PARD3: variants seen among roughly 807,000 people sequenced by gnomAD.
PARD3 encodes the protein par-3 family cell polarity regulator, also known as partitioning defective 3 homolog.
A neutral mutation model predicts 155.4 loss-of-function variants in PARD3; 75 were observed. The ratio of observed to expected loss-of-function variants is 0.48; its 90% confidence interval spans 0.40 to 0.58. PARD3 has a LOEUF of 0.58. Ranked by LOEUF, PARD3 falls within the 20% of genes least tolerant of loss-of-function variation. PARD3 has a pLI of 0.00. For synonymous variants in PARD3, 576 were observed against 610.5 expected (o/e 0.94, Z 0.83); for missense variants, 1,642 against 1,721.7 (o/e 0.95, Z 0.82).
intron 2 of PARD3, among the ~76,000 whole-genome samples, chr10:34,579,275 A>AT (rs1265517591): frequency 6.6e-6 from 1 of 151,688 alleles, no homozygotes; most frequent in Non-Finnish European, 1.5e-5. Context: ...TCTCAAAAAA[A>AT]AAAAAAAGAA....
At chr10:34,562,298 G>T (rs1298699374) in intron 2 of PARD3, among the ~76,000 whole-genome samples, 1 of 151,832 alleles carries the variant, frequency 6.6e-6, no homozygotes, top group African/African-American at 2.4e-5. Flanking sequence ...TCAGCTGGGC[G>T]TGGTGGCATG....
At chr10:34,488,134 C>T (rs1419966277) in intron 3 of PARD3, among the ~76,000 whole-genome samples, 1 of 152,110 alleles carries the variant, frequency 6.6e-6, no homozygotes, top group Non-Finnish European at 1.5e-5. Flanking sequence ...TTTGAAGCTC[C>T]TGCACTTTAC....
intron 22 of PARD3, among the ~76,000 whole-genome samples, chr10:34,232,889 C>T (rs1027379704): frequency 5.3e-5 from 8 of 151,828 alleles, no homozygotes; most frequent in East Asian, 1.9e-4. Flanking sequence ...TTTGTAGTGA[C>T]GAGATCTCGC....
chr10:34,406,966 C>T (rs1047013860), intron 5 of PARD3, among the ~76,000 whole-genome samples: 6 of 152,076 alleles, frequency 3.9e-5, no homozygotes, highest in African/African-American at 7.2e-5. Flanking sequence ...AGGATGGGAA[C>T]AAGAAACCAG....
At chr10:34,452,706 G>A (rs1051524084) in intron 4 of PARD3, among the ~76,000 whole-genome samples, 3 of 151,948 alleles carry the variant, frequency 2.0e-5, no homozygotes, top group African/African-American at 4.8e-5. Flanking sequence ...ATTTCACCAC[G>A]TCCTACCCTG....
intron 22 of PARD3, among the ~76,000 whole-genome samples, chr10:34,217,482 G>A (rs1035977525): frequency 6.6e-6 from 1 of 152,128 alleles, no homozygotes; most frequent in Non-Finnish European, 1.5e-5. Context: ...TCCTTAAAAT[G>A]CCCGTTACAG....
At chr10:34,325,926 G>A (rs540715680) in intron 19 of PARD3, among the ~76,000 whole-genome samples, 19 of 152,150 alleles carry the variant, frequency 1.2e-4, no homozygotes, top group African/African-American at 3.6e-4. Flanking sequence ...TTCAAGACCA[G>A]CCTGGCCAAC....
chr10:34,382,495 G>A, intron 9 of PARD3, 45 bp downstream of exon 9: 5 of 1,579,066 alleles, frequency 3.2e-6, no homozygotes, highest in Non-Finnish European at 4.3e-6. Context: ...GTGTGTTGCT[G>A]CTAAGAAAAG....
intron 2 of PARD3, among the ~76,000 whole-genome samples, chr10:34,563,187 T>A (rs1218893837): frequency 6.6e-6 from 1 of 152,094 alleles, no homozygotes; most frequent in Non-Finnish European, 1.5e-5. Context: ...ATATTTTGTA[T>A]CATCATTCTT....
chr10:34,155,814 C>A (rs1372094291), intron 22 of PARD3, among the ~76,000 whole-genome samples: 1 of 151,988 alleles, frequency 6.6e-6, no homozygotes, highest in Non-Finnish European at 1.5e-5. Flanking sequence ...CATGCAGACG[C>A]TCTGAGAATT....
intron 2 of PARD3, among the ~76,000 whole-genome samples, chr10:34,672,891 C>T (rs1207276127): frequency 6.6e-6 from 1 of 152,144 alleles, no homozygotes; most frequent in African/African-American, 2.4e-5. Context: ...ATGTGGAATA[C>T]GGGTAAAACT....
intron 1 of PARD3, among the ~76,000 whole-genome samples, chr10:34,780,270 T>C (rs1470125061): frequency 6.6e-6 from 1 of 152,212 alleles, no homozygotes; most frequent in African/African-American, 2.4e-5. Flanking sequence ...CTCCTTACCA[T>C]AGAGATGTGG....
At chr10:34,665,844 AC>A (rs1201450756) in intron 2 of PARD3, among the ~76,000 whole-genome samples, 1,346 of 57,392 alleles carry the variant, frequency 0.023, 42 homozygotes, top group African/African-American at 0.075. Flanking sequence ...CAATTAAAGA[AC>A]AGAACAGAAC....
At chr10:34,321,341 A>T (rs2134161211) in intron 19 of PARD3, among the ~76,000 whole-genome samples, 1 of 152,316 alleles carries the variant, frequency 6.6e-6, no homozygotes, top group African/African-American at 2.4e-5. Flanking sequence ...TCATAAATTT[A>T]CATTTAGATA....
chr10:34,756,653 T>A (rs1189274503), intron 1 of PARD3, among the ~76,000 whole-genome samples: 1 of 151,582 alleles, frequency 6.6e-6, no homozygotes, highest in East Asian at 1.9e-4. Flanking sequence ...GGGGTCTCAC[T>A]ACATTGCCCA....
intron 14 of PARD3, among the ~76,000 whole-genome samples, chr10:34,353,682 C>T (rs1379010857): frequency 4.0e-5 from 6 of 150,926 alleles, no homozygotes; most frequent in Admixed American, 4.0e-4. Flanking sequence ...GCCAAATCCC[C>T]CTCTCCGAGA....
chr10:34,328,146 T>C (rs966504882), intron 19 of PARD3, among the ~76,000 whole-genome samples: 18 of 152,298 alleles, frequency 1.2e-4, no homozygotes, highest in South Asian at 2.1e-4. Flanking sequence ...CCACATTTGA[T>C]AGACAATTTT....
At chr10:34,455,532 C>T (rs970468248) in intron 4 of PARD3, among the ~76,000 whole-genome samples, 19 of 151,234 alleles carry the variant, frequency 1.3e-4, no homozygotes, top group Admixed American at 2.0e-4. Context: ...GCTCTGTTGC[C>T]GAGGCTGGAG....
intron 2 of PARD3, among the ~76,000 whole-genome samples, chr10:34,695,617 G>A (rs781050006): frequency 1.3e-5 from 2 of 152,074 alleles, no homozygotes; most frequent in Non-Finnish European, 2.9e-5. Context: ...GAAAAAAAGT[G>A]GGGTAGTGGG....
Sources: allele counts gnomAD v4.1 joint callset (sites outside exome capture counted in the v4.1 genomes callset), GRCh38; gene constraint gnomAD v4.1.1; transcripts MANE v1.5; gene names NCBI Gene and HGNC (gene_info 2026-07-23, HGNC 2026-07-21).